Variants in CENPL observed in about 807,000 individuals in gnomAD.
CENPL encodes interphase centromere complex protein 33.
A neutral mutation model predicts 35.2 loss-of-function variants in CENPL; 20 were observed. The observed-to-expected ratio is 0.57, with a 90% CI of 0.40 to 0.83. The LOEUF (loss-of-function observed/expected upper bound fraction) is 0.83. Ranked by LOEUF, CENPL falls within the 40% of genes least tolerant of loss-of-function variation. CENPL has a pLI of 0.00. For synonymous variants in CENPL, 140 were observed against 140.6 expected (o/e 1.00, Z 0.03); for missense variants, 363 against 395.8 (o/e 0.92, Z 0.70).
intron 3 of CENPL, among the ~76,000 whole-genome samples, chr1:173,810,268 C>A (rs1280632358): frequency 3.3e-5 from 5 of 152,062 alleles, no homozygotes; most frequent in Non-Finnish European, 7.4e-5. Flanking sequence ...GAACAGAAAA[C>A]CAAATACCAC....
intron 2 of CENPL, among the ~76,000 whole-genome samples, chr1:173,811,995 C>A (rs536383996): frequency 2.6e-5 from 4 of 152,256 alleles, no homozygotes; most frequent in Admixed American, 6.5e-5. Context: ...CCCTGGCAAC[C>A]GGCAGACTAG....
rs113366792 is a variant in CENPL at position 173,802,292 on chromosome 1, G to A, written c.963+671C>T. On this transcript the variant is annotated intron_variant, in intron 5 of 5. Coordinates refer to ENST00000682279, the MANE Select transcript of CENPL (RefSeq NM_001387287.1). ...GCGATCTCGGCTCACTACAAGCTCC[G>A]CCTCTCGGGTTCACACCATTCTCCT... Among the ~76,000 whole-genome samples the A allele has an allele frequency of 1.1e-4, 17 of 151,700 alleles. No homozygotes were observed. The South Asian group carries it at 1.7e-3, about 15-fold the overall frequency.
chr1:173,807,755 A>C (rs1650368120), intron 3 of CENPL, among the ~76,000 whole-genome samples: 1 of 152,130 alleles, frequency 6.6e-6, no homozygotes, highest in Non-Finnish European at 1.5e-5. Context: ...TCACTTCATC[A>C]GTTCTCTACC....
intron 4 of CENPL, chr1:173,806,633 G>A (rs989660108): frequency 1.1e-5 from 3 of 267,404 alleles, no homozygotes; most frequent in African/African-American, 2.3e-5. Context: ...ATTCCTTCCT[G>A]TAAGTAGTAT....
intron 2 of CENPL, among the ~76,000 whole-genome samples, chr1:173,820,209 AG>A (rs1557849634): frequency 1.3e-5 from 2 of 152,166 alleles, no homozygotes; most frequent in Admixed American, 1.3e-4. Context: ...GTGCTCAAAA[AG>A]ATTCACGTTA....
intron 3 of CENPL, among the ~76,000 whole-genome samples, chr1:173,810,846 GGCAGAGCTT>G (rs1650745597): frequency 6.6e-6 from 1 of 152,164 alleles, no homozygotes; most frequent in African/African-American, 2.4e-5. Context: ...GCCGCCAGGA[GGCAGAGCTT>G]GCAGTGAGCC....
At chr1:173,812,412 A>C (rs1315761403) in intron 2 of CENPL, among the ~76,000 whole-genome samples, 1 of 152,200 alleles carries the variant, frequency 6.6e-6, no homozygotes, top group East Asian at 1.9e-4. Context: ...GACACCTCCC[A>C]GTAGGGGCCG....
intron 3 of CENPL, among the ~76,000 whole-genome samples, chr1:173,808,815 G>A (rs1345391481): frequency 6.6e-6 from 1 of 152,052 alleles, no homozygotes; most frequent in African/African-American, 2.4e-5. Flanking sequence ...ATACCATTCA[G>A]GACATAGGTA....
chr1:173,804,650 A>T (rs1650047992), intron 4 of CENPL, among the ~76,000 whole-genome samples: 5 of 152,180 alleles, frequency 3.3e-5, no homozygotes, highest in Admixed American at 2.6e-4. Flanking sequence ...TTTATAGGTA[A>T]ATCTCTCCCA....
chr1:173,807,232 TC>T (rs1229799564), intron 4 of CENPL, 34 bp downstream of exon 4: 1 of 1,484,188 alleles, frequency 6.7e-7, no homozygotes, highest in Non-Finnish European at 9.0e-7. Context: ...ATAATACTTT[TC>T]CCCTAGGAAG....
intron 2 of CENPL, among the ~76,000 whole-genome samples, chr1:173,813,712 T>C (rs1055525216): frequency 3.9e-5 from 6 of 152,136 alleles, no homozygotes; most frequent in Admixed American, 6.6e-5. Flanking sequence ...TACCAGCCAC[T>C]GCAAAAACAC....
Position 173,807,463 on chromosome 1 carries a change from T to C in CENPL, c.224A>G (p.Tyr75Cys), listed in dbSNP as rs1650339475. The C allele has an allele frequency of 2.5e-6, 4 of 1,593,102 alleles. No homozygotes were observed. The highest frequency in any genetic ancestry group is 3.4e-6 in the Non-Finnish European group (4 of 1,166,664). Residue 75 changes from tyrosine to cysteine, a missense_variant, in exon 4 of 6, where the codon TAT (tyrosine) becomes TGT (cysteine). Tyr to Cys is a radical substitution (Grantham distance 194). Coordinates refer to ENST00000682279, the MANE Select transcript of CENPL (RefSeq NM_001387287.1). ...GAATTTATATAAGGGAGTTAAACTATATAAAGTCCACTGTTTATGCAGAAG... is the reference window on the plus strand; with the variant it reads ...GAATTTATATAAGGGAGTTAAACTACATAAAGTCCACTGTTTATGCAGAAG... Reference protein sequence around the residue: ...AFLLHKQWTLYSLTPLYKFSY... With the variant: ...AFLLHKQWTLCSLTPLYKFSY...
At position 173,811,301 on chromosome 1, in the gene CENPL, G is replaced by A; in HGVS notation, c.-2C>T. 1 of 1,591,576 alleles carries A rather than the reference G, an allele frequency of 6.3e-7. No homozygotes were observed. The highest frequency in any genetic ancestry group is 8.6e-7 in the Non-Finnish European group (1 of 1,163,652). On this transcript the variant is annotated 5_prime_UTR_variant, in exon 3 of 6. Coordinates refer to ENST00000682279, the MANE Select transcript of CENPL (RefSeq NM_001387287.1). Reference sequence around the variant, plus strand: ...CTCTGGTGCACTGTAAGAATCCATGGTCTGTCTGCATAAGAAGAAACAAAA... The same window carrying A: ...CTCTGGTGCACTGTAAGAATCCATGATCTGTCTGCATAAGAAGAAACAAAA...
chr1:173,801,820 A>AAAAT (rs939502418), intron 5 of CENPL, among the ~76,000 whole-genome samples: 4 of 152,050 alleles, frequency 2.6e-5, no homozygotes, highest in Non-Finnish European at 4.4e-5. Flanking sequence ...ACTCCGTCTC[A>AAAAT]AAATAAATAA....
chr1:173,814,868 ACT>A (rs1257437369), intron 2 of CENPL, among the ~76,000 whole-genome samples: 4 of 152,104 alleles, frequency 2.6e-5, no homozygotes, highest in African/African-American at 7.2e-5. Context: ...ACACAAAAAA[ACT>A]CTTCAAAAAA....
intron 3 of CENPL, among the ~76,000 whole-genome samples, chr1:173,808,335 G>A (rs1650433114): frequency 6.6e-6 from 1 of 151,890 alleles, no homozygotes; most frequent in South Asian, 2.1e-4. Flanking sequence ...GCTTGAATCT[G>A]GAAGGCAGAG....
At chr1:173,822,397 T>C (rs1163283305) in intron 2 of CENPL, 1 of 152,164 alleles carries the variant, frequency 6.6e-6, no homozygotes, top group Non-Finnish European at 1.5e-5. Flanking sequence ...TTCCTCATGT[T>C]CCAATAGTAG....
intron 2 of CENPL, among the ~76,000 whole-genome samples, chr1:173,817,011 G>A (rs535747125): frequency 1.2e-4 from 18 of 152,160 alleles, no homozygotes; most frequent in African/African-American, 3.6e-4. Flanking sequence ...GGTGATGTGC[G>A]CCTATACTCT....
At chr1:173,808,091 C>T (rs1571959954) in intron 3 of CENPL, among the ~76,000 whole-genome samples, 2 of 152,026 alleles carry the variant, frequency 1.3e-5, no homozygotes, top group Non-Finnish European at 2.9e-5. Flanking sequence ...CCTAAAGTAT[C>T]TAATTTGATT....
Sources: allele counts gnomAD v4.1 joint callset (sites outside exome capture counted in the v4.1 genomes callset), GRCh38; gene constraint gnomAD v4.1.1; transcripts MANE v1.5; gene names NCBI Gene and HGNC (gene_info 2026-07-23, HGNC 2026-07-21).